Variants in ATAT1 observed in about 807,000 individuals in gnomAD.
The protein encoded by ATAT1 is alpha tubulin acetyltransferase 1, also known as alpha-tubulin N-acetyltransferase 1.
In ATAT1, 42 loss-of-function variants were observed where a neutral mutation model predicts 57.2. That is an observed-to-expected ratio of 0.73 (90% confidence interval 0.57 to 0.95). The LOEUF is 0.95. Among genes scored for constraint, ATAT1 ranks in the 40% least tolerant of loss-of-function variants. The pLI is 0.00. For missense variants in ATAT1, 454 were observed against 523.7 expected (o/e 0.87, Z 1.30); for synonymous variants, 168 against 187.1 (o/e 0.90, Z 0.83).
At chr6:30,627,825 T>A (rs1463291123) in intron 3 of ATAT1, 26 bp from the exon 4 acceptor site, 1 of 1,611,734 alleles carries the variant, frequency 6.2e-7, no homozygotes, top group Non-Finnish European at 8.5e-7. Flanking sequence ...ACCACTAGCC[T>A]GTTCATTATT....
intron 6 of ATAT1, among the ~76,000 whole-genome samples, chr6:30,634,313 CG>C (rs1445049845): frequency 6.6e-6 from 1 of 151,750 alleles, no homozygotes; most frequent in African/African-American, 2.4e-5. Flanking sequence ...TGCAGTGGTG[CG>C]ATCTTGGCTC....
chr6:30,643,476 GC>G, intron 10 of ATAT1: 3 of 1,524,456 alleles, frequency 2.0e-6, no homozygotes, highest in East Asian at 5.0e-5. Context: ...TCTCTCCCCC[GC>G]CCCCCGCCAT....
At chr6:30,642,668 G>T in intron 9 of ATAT1, 100 bp from the exon 10 acceptor site, 3 of 780,556 alleles carry the variant, frequency 3.8e-6, no homozygotes, top group African/African-American at 1.8e-5. Flanking sequence ...AAAAAAGAAA[G>T]ACTCAGATTT....
chr6:30,628,239 T>G, intron 5 of ATAT1, 90 bp from the exon 6 acceptor site: 1 of 1,529,700 alleles, frequency 6.5e-7, no homozygotes, highest in South Asian at 1.1e-5. Context: ...CATGTTCCCA[T>G]GTCATTCTAT....
At chr6:30,639,679 A>G (rs975957653) in intron 6 of ATAT1, among the ~76,000 whole-genome samples, 46 of 151,470 alleles carry the variant, frequency 3.0e-4, no homozygotes, top group Middle Eastern at 6.8e-3. Flanking sequence ...GGGTTTCACC[A>G]TGTTAGCCAG....
chr6:30,638,517 G>A lies in ATAT1; in HGVS notation c.502-1860G>A, dbSNP rs192140303. 2.8e-4 allele frequency among the ~76,000 whole-genome samples: 42 copies of A among 151,076 alleles called. No individual in the cohort carries two copies. The East Asian group carries it at 7.4e-3, about 27-fold the overall frequency. ...ACTCCTGACCTCAAGTGATCCACCCGCCTTGGCCTCCCAAATTGTTGGGAT... is the reference window on the plus strand; with the variant it reads ...ACTCCTGACCTCAAGTGATCCACCCACCTTGGCCTCCCAAATTGTTGGGAT... On this transcript the variant is annotated intron_variant, in intron 6 of 12. Transcript: ENST00000330083.
chr6:30,641,869 C>T, intron 8 of ATAT1: 1 of 1,202,916 alleles, frequency 8.3e-7, no homozygotes, highest in African/African-American at 1.6e-5. Flanking sequence ...CACCCACTGA[C>T]AGTAAGAGCT....
chr6:30,639,932 G>A (rs941802209), intron 6 of ATAT1, among the ~76,000 whole-genome samples: 2 of 151,970 alleles, frequency 1.3e-5, no homozygotes, highest in African/African-American at 4.8e-5. Flanking sequence ...CCTGGAGTTT[G>A]AGACTGGCCT....
rs552725430 is a variant in ATAT1, at chr6:30,629,617, T to G, written c.501+1187T>G. On this transcript the variant is annotated intron_variant, in intron 6 of 12. Coordinates refer to ENST00000330083, the MANE Select transcript of ATAT1 (RefSeq NM_001031722.4). ...TGGAGTGCAGTGGCACGATCTCAGC[T>G]CACTGCAAGCTCCGCCTCCCAGGTT... is the stretch of plus-strand genomic sequence containing the variant. Among the ~76,000 whole-genome samples, 17 of 151,980 alleles carry G rather than the reference T, an allele frequency of 1.1e-4. No homozygotes were observed. The East Asian group carries it at 3.3e-3, about 29-fold the overall frequency.
intron 6 of ATAT1, among the ~76,000 whole-genome samples, chr6:30,634,513 T>A (rs1375593111): frequency 1.3e-5 from 2 of 151,128 alleles, no homozygotes; most frequent in Admixed American, 6.6e-5. Context: ...CCTCCCAAAG[T>A]GCTCGAATTA....
rs1364050132 is a variant in ATAT1, at chr6:30,626,896, C to G, written c.-308C>G. 6.2e-7 allele frequency: 1 copy of G among 1,607,932 alleles called. No individual in the cohort carries two copies. The highest frequency in any genetic ancestry group is 8.5e-7 in the Non-Finnish European group (1 of 1,178,080). On this transcript the variant is annotated 5_prime_UTR_variant, in exon 1 of 13. Coordinates refer to ENST00000330083, the MANE Select transcript of ATAT1 (RefSeq NM_001031722.4). ...CGCGCACAATGGGCCATGGAGTTCC[C>G]GTTCGATGTGGACGCGCTGTTCCCG...
At chr6:30,627,579 G>T in intron 2 of ATAT1, 57 bp from the exon 3 acceptor site, 1 of 1,606,898 alleles carries the variant, frequency 6.2e-7, no homozygotes, top group Non-Finnish European at 8.5e-7. Flanking sequence ...GGTATATAAG[G>T]GAGGCCTGGG....
chr6:30,645,980 T>C lies in ATAT1; in HGVS notation c.1012+6T>C. 6.3e-7 allele frequency: 1 copy of C among 1,592,320 alleles called. No homozygotes were observed. The highest frequency in any genetic ancestry group is 8.6e-7 in the Non-Finnish European group (1 of 1,168,890). On this transcript the variant is annotated splice_donor_region_variant and intron_variant, in intron 11 of 12. Transcript: ENST00000330083. ...TTCCTCATCCCCCAATACAGGTAAG[T>C]ATTCACTCCTCCCTACCCTCAAATC...
chr6:30,630,917 G>A (rs1455569328), intron 6 of ATAT1, among the ~76,000 whole-genome samples: 1 of 151,480 alleles, frequency 6.6e-6, no homozygotes, highest in Admixed American at 6.6e-5. Context: ...CACCCTGGGG[G>A]ACGAAGCGAG....
rs543651907 is a variant in ATAT1 at position 30,628,029 on chromosome 6, T to C, written c.286-3T>C. On this transcript the variant is annotated splice_region_variant and splice_polypyrimidine_tract_variant and intron_variant, in intron 4 of 12. Coordinates refer to ENST00000330083, the MANE Select transcript of ATAT1 (RefSeq NM_001031722.4). ...TAAAACATTTTTATTGTTTCTCTCT[T>C]AGGATGATCGTGAGGCTCATAATGA... 14 of 1,612,680 alleles carry C rather than the reference T, an allele frequency of 8.7e-6. No individual in the cohort carries two copies. The highest frequency in any genetic ancestry group is 3.3e-5 in the South Asian group (3 of 91,082).
intron 8 of ATAT1, 101 bp downstream of exon 8, chr6:30,640,704 C>G: frequency 7.4e-7 from 1 of 1,356,604 alleles, no homozygotes; most frequent in East Asian, 2.4e-5. Context: ...TTGGAAAATT[C>G]TAAAGCAACC....
At position 30,642,833 on chromosome 6, in the gene ATAT1, G is replaced by GACCCCCCCCCCCCCCC; in HGVS notation, c.754_755insACCCCCCCCCCCCCCC (p.Ala252AspfsTer53). On this transcript the variant is annotated frameshift_variant, in exon 10 of 13. Coordinates refer to ENST00000330083, the MANE Select transcript of ATAT1 (RefSeq NM_001031722.4). LOFTEE classifies it high-confidence loss of function. The stretch of plus-strand genomic sequence containing the variant: ...GGCCCCTCGCCGCGCCACACCTCCA[G>GACCCCCCCCCCCCCCC]CCCACCCACCCCCCCGCTCCAGCAG... The GACCCCCCCCCCCCCCC allele has an allele frequency of 1.3e-6, 2 of 1,537,878 alleles. No individual in the cohort carries two copies. Among genetic ancestry groups the GACCCCCCCCCCCCCCC allele is most frequent in the East Asian group, 2.4e-5 (1 of 42,460 alleles).
In ATAT1 at chr6:30,628,023, C is replaced by T. The variant is rs769924125; in HGVS notation, c.286-9C>T. 29 of 1,612,100 alleles carry T rather than the reference C, an allele frequency of 1.8e-5. No individual in the cohort carries two copies. The highest frequency in any genetic ancestry group is 2.4e-5 in the Non-Finnish European group (28 of 1,179,350). On this transcript the variant is annotated splice_polypyrimidine_tract_variant and intron_variant, in intron 4 of 12. Transcript: ENST00000330083. ...GGTTCCTAAAACATTTTTATTGTTT[C>T]TCTCTTAGGATGATCGTGAGGCTCA...
chr6:30,633,783 TGAA>T (rs976373888), intron 6 of ATAT1: 2 of 179,140 alleles, frequency 1.1e-5, no homozygotes, highest in East Asian at 1.8e-4. Context: ...ACGAGGTAGA[TGAA>T]GAAGAGGAAC....
Sources: gnomAD v4.1 joint callset for allele counts (sites outside exome capture counted in the v4.1 genomes callset) on GRCh38, gnomAD v4.1.1 for gene constraint, MANE v1.5 for transcripts, NCBI Gene and HGNC (gene_info 2026-07-23, HGNC 2026-07-21) for gene names.